The following BTBD7 variants were observed in gnomAD, a reference collection of about 807,000 sequenced individuals.
BTBD7 encodes the protein BTB domain containing 7.
In BTBD7, 38 loss-of-function variants were observed where a neutral mutation model predicts 99.9. That is an observed-to-expected ratio of 0.38 (90% CI 0.29 to 0.50). The LOEUF is 0.50. Ranked by LOEUF, BTBD7 falls within the 20% of genes least tolerant of loss-of-function variation. The pLI, the probability that BTBD7 is intolerant of heterozygous loss-of-function variation, is 0.93. For missense variants in BTBD7, 1,170 were observed against 1,394.6 expected (o/e 0.84, Z 2.57); for synonymous variants, 520 against 511.4 (o/e 1.02, Z -0.23).
intron 1 of BTBD7, among the ~76,000 whole-genome samples, chr14:93,300,748 GTGTGTGTGTGTGTGTGTGTGTGTGTA>G (rs1200486122): frequency 0.021 from 1,805 of 85,306 alleles, 175 homozygotes; most frequent in African/African-American, 0.1. Context: ...GTGTGTGTGT[GTGTGTGTGTGTGTGTGTGTGTGTGTA>G]TATATATATA....
chr14:93,244,624 G>A (rs1249787346), intron 10 of BTBD7, among the ~76,000 whole-genome samples: 2 of 152,100 alleles, frequency 1.3e-5, no homozygotes, highest in Admixed American at 6.6e-5. Flanking sequence ...ACTCCAGCCT[G>A]GGCAACAGAG....
chr14:93,300,746 GTGTGTGTGTGTGTGTGTGTGTGTGTGTA>G lies in BTBD7; in HGVS notation c.-106-4617_-106-4590del, dbSNP rs1259008270. On this transcript the variant is annotated intron_variant, in intron 1 of 10. Transcript: ENST00000334746. The stretch of plus-strand genomic sequence containing the variant: ...TGTGTGTGTGTGTGTGTGTGTGTGT[GTGTGTGTGTGTGTGTGTGTGTGTGTGTA>G]TATATATATATATTTTTTTTTTGTA... Among the ~76,000 whole-genome samples the G allele has an allele frequency of 1.3e-3, 108 of 85,312 alleles. 5 individuals are homozygous for G. Among genetic ancestry groups the G allele is most frequent in the African/African-American group, 6.0e-3 (91 of 15,156 alleles). The allele number at this position is 85,312 out of a possible 152,430, so 56.0% of individuals were successfully genotyped here.
Position 93,242,668 on chromosome 14 carries a change from G to A in BTBD7, c.3004C>T (p.Gln1002Ter). ...YLPGQTSPKK[Q>*]EEARREYPLS... ...GGATATTCTCTCCTAGCTTCTTCCT[G>A]TTTTTTAGGAGACGTCTGACCAGGT... The change falls in exon 11 of 11, where the codon CAG (glutamine) becomes TAG (stop). Residue 1002 changes from glutamine to a stop codon, truncating the protein, a stop_gained. Coordinates refer to ENST00000334746, the MANE Select transcript of BTBD7 (RefSeq NM_001002860.4). LOFTEE classifies it high-confidence loss of function. 1 of 1,614,162 alleles carries A rather than the reference G, an allele frequency of 6.2e-7. No individual in the cohort carries two copies. The highest frequency in any genetic ancestry group is 1.1e-5 in the South Asian group (1 of 91,084).
chr14:93,259,749 C>T (rs940947565), intron 5 of BTBD7, among the ~76,000 whole-genome samples: 3 of 152,176 alleles, frequency 2.0e-5, no homozygotes, highest in African/African-American at 7.2e-5. Context: ...GCCTGGCTAA[C>T]ATGGCGAAAC....
intron 7 of BTBD7, 42 bp from the exon 8 acceptor site, chr14:93,251,694 C>T: frequency 6.9e-7 from 1 of 1,448,376 alleles, no homozygotes; most frequent in African/African-American, 1.4e-5. Flanking sequence ...GTCAACCTTC[C>T]TCTGTTAAAT....
rs71129627 is a variant in BTBD7, at chr14:93,316,254, C to CTTTTTTT, written c.-107+16559_-107+16565dup. Among the ~76,000 whole-genome samples the CTTTTTTT allele has an allele frequency of 1.4e-4, 21 of 146,666 alleles. No homozygotes were observed. In the South Asian group the frequency reaches 1.5e-3, roughly 11 times the overall value. ...ACAGGTGCAAGCCACCATGCCCAGT[C>CTTTTTTT]TTTTTTTTTTTAATTTTTTTTAAAA... On this transcript the variant is annotated intron_variant, in intron 1 of 10. Transcript: ENST00000334746.
intron 1 of BTBD7, among the ~76,000 whole-genome samples, chr14:93,323,508 C>G (rs899673635): frequency 6.6e-6 from 1 of 152,212 alleles, no homozygotes; most frequent in African/African-American, 2.4e-5. Context: ...CAAGAAAATT[C>G]TCATGTCTGG....
chr14:93,282,640 T>A (rs2052734416), intron 3 of BTBD7, among the ~76,000 whole-genome samples: 1 of 152,012 alleles, frequency 6.6e-6, no homozygotes, highest in Non-Finnish European at 1.5e-5. Flanking sequence ...CTATGCTTGG[T>A]TTTAAGACAG....
At chr14:93,323,331 T>C (rs979397685) in intron 1 of BTBD7, among the ~76,000 whole-genome samples, 1 of 152,202 alleles carries the variant, frequency 6.6e-6, no homozygotes, top group Non-Finnish European at 1.5e-5. Context: ...TATATACAGT[T>C]AGTAAATTGT....
chr14:93,288,882 T>G (rs550424141), intron 3 of BTBD7, among the ~76,000 whole-genome samples: 43 of 152,328 alleles, frequency 2.8e-4, no homozygotes, highest in Middle Eastern at 3.4e-3. Context: ...CAGCAGGGGT[T>G]AAGGAAGTAG....
At chr14:93,328,198 T>C (rs2053355353) in intron 1 of BTBD7, among the ~76,000 whole-genome samples, 1 of 152,212 alleles carries the variant, frequency 6.6e-6, no homozygotes, top group South Asian at 2.1e-4. Flanking sequence ...CAAAGCAACC[T>C]AGAGATTCAA....
chr14:93,295,818 T>A (rs1184451442), intron 2 of BTBD7, 152 bp downstream of exon 2: 1 of 690,754 alleles, frequency 1.4e-6, no homozygotes, highest in Non-Finnish European at 2.4e-6. Context: ...AAACCAGACT[T>A]AAGATTTACG....
intron 1 of BTBD7, among the ~76,000 whole-genome samples, chr14:93,327,447 G>A (rs1405618670): frequency 6.6e-6 from 1 of 152,098 alleles, no homozygotes; most frequent in Non-Finnish European, 1.5e-5. Context: ...AAACAGGTCT[G>A]TAAATGTACA....
intron 3 of BTBD7, among the ~76,000 whole-genome samples, chr14:93,275,983 G>A (rs2052652440): frequency 6.6e-6 from 1 of 152,194 alleles, no homozygotes; most frequent in African/African-American, 2.4e-5. Context: ...GGAGGCTTAG[G>A]TGGGGCAGAT....
Position 93,242,304 on chromosome 14 carries a change from G to A in BTBD7, c.3368C>T (p.Pro1123Leu), listed in dbSNP as rs752405705. Reference protein sequence around the residue: ...ISRGRRSPSKPDFLYKKSAL With the variant: ...ISRGRRSPSKLDFLYKKSAL ...GGCAGACTTTTTGTAGAGGAAGTCC[G>A]GCTTGCTTGGTGACCTCCTTCCTCT... The change falls in exon 11 of 11, where the codon CCG becomes CTG. Residue 1123 changes from proline to leucine, a missense_variant. This residue lies in a region of BTBD7 where 495 missense variants were observed against 525.9 expected (regional missense o/e 0.94). Transcript: ENST00000334746. 1.9e-5 allele frequency: 30 copies of A among 1,613,870 alleles called. No homozygotes were observed. The highest frequency in any genetic ancestry group is 1.5e-4 in the Admixed American group (9 of 60,002).
At chr14:93,313,333 T>C (rs1287498611) in intron 1 of BTBD7, among the ~76,000 whole-genome samples, 1 of 152,210 alleles carries the variant, frequency 6.6e-6, no homozygotes, top group African/African-American at 2.4e-5. Context: ...AATCTTTAAA[T>C]TGACATTTTC....
chr14:93,246,602 T>TA (rs1216145372), intron 9 of BTBD7, among the ~76,000 whole-genome samples: 1 of 152,256 alleles, frequency 6.6e-6, no homozygotes, highest in Non-Finnish European at 1.5e-5. Context: ...ATGTCTTTGC[T>TA]AAGAGATTAA....
chr14:93,298,193 G>T (rs749965752), intron 1 of BTBD7, among the ~76,000 whole-genome samples: 1 of 152,186 alleles, frequency 6.6e-6, no homozygotes, highest in African/African-American at 2.4e-5. Flanking sequence ...AAGCGGACAA[G>T]AATTTACTAC....
intron 1 of BTBD7, among the ~76,000 whole-genome samples, chr14:93,309,516 A>G (rs1181048496): frequency 6.6e-6 from 1 of 151,358 alleles, no homozygotes; most frequent in Non-Finnish European, 1.5e-5. Flanking sequence ...CCCCTGCTAA[A>G]CAAGAAAGCG....
Sources: gnomAD v4.1 joint callset for allele counts (sites outside exome capture counted in the v4.1 genomes callset) on GRCh38, gnomAD v4.1.1 for gene constraint, gnomAD v4.1.1 regional missense constraint, MANE v1.5 for transcripts, NCBI Gene and HGNC (gene_info 2026-07-23, HGNC 2026-07-21) for gene names.